The following SLIT2 variants were observed in gnomAD, a reference collection of about 807,000 sequenced individuals.
SLIT2 encodes slit guidance ligand 2, also known as slit homolog 2 protein.
Under a neutral mutation model 185.7 loss-of-function variants are expected in SLIT2, and 41 were observed. The ratio of observed to expected loss-of-function variants is 0.22; its 90% CI spans 0.17 to 0.29. The LOEUF is 0.29. Ranked by LOEUF, SLIT2 falls within the 10% of genes least tolerant of loss-of-function variation. SLIT2 has a pLI of 1.00. For missense variants in SLIT2, 1,571 were observed against 1,909.0 expected (o/e 0.82, Z 3.30); for synonymous variants, 693 against 680.2 (o/e 1.02, Z -0.29).
At chr4:20,393,887 T>G (rs976444356) in intron 4 of SLIT2, among the ~76,000 whole-genome samples, 1 of 152,066 alleles carries the variant, frequency 6.6e-6, no homozygotes, top group Non-Finnish European at 1.5e-5. Context: ...CTGGCTGTAT[T>G]GGTGATCACA....
At chr4:20,553,761 GTGTGTGTGTA>G in intron 25 of SLIT2, 34 bp from the exon 26 acceptor site, 2 of 1,476,688 alleles carry the variant, frequency 1.4e-6, no homozygotes, top group Non-Finnish European at 1.8e-6. Flanking sequence ...GTGTGTATGT[GTGTGTGTGTA>G]TGTGTGTGTG....
rs965352307 is a variant in SLIT2, at chr4:20,254,884, C to T, written c.179+890C>T. 2.2e-6 allele frequency: 1 copy of T among 455,760 alleles called. No homozygotes were observed. The highest frequency in any genetic ancestry group is 1.6e-5 in the South Asian group (1 of 64,490). The allele number at this position is 455,760 out of a possible 1,614,324, so 28.2% of individuals were successfully genotyped here. A position where few individuals can be genotyped will look rare whatever the true frequency, so the allele number is the denominator to read the frequency against. ...CAGTTCCCCTGCCTTCCCCTCTTCGCGCTCCGTTGCTCGCAGACGTCCCCG... is the reference window on the plus strand; with the variant it reads ...CAGTTCCCCTGCCTTCCCCTCTTCGTGCTCCGTTGCTCGCAGACGTCCCCG... On this transcript the variant is annotated intron_variant, in intron 1 of 36. Transcript: ENST00000504154. This position sits in a 1 kb window ranked among gnomAD's most constrained non-coding sequence, Gnocchi z 5.1.
intron 4 of SLIT2, among the ~76,000 whole-genome samples, chr4:20,372,068 T>C (rs146857971): frequency 6.6e-6 from 1 of 152,278 alleles, no homozygotes; most frequent in Non-Finnish European, 1.5e-5. Flanking sequence ...TTCTCTTGTC[T>C]TTCTTATTCT....
At chr4:20,474,328 G>C (rs1478621001) in intron 5 of SLIT2, among the ~76,000 whole-genome samples, 3 of 151,976 alleles carry the variant, frequency 2.0e-5, no homozygotes, top group Admixed American at 2.0e-4. Flanking sequence ...CCATGGTTCT[G>C]TATTTTGCTT....
In SLIT2 at chr4:20,542,451, A is replaced by G. The variant is rs764422851; in HGVS notation, c.2144-43A>G. On this transcript the variant is annotated intron_variant, in intron 20 of 36. Transcript: ENST00000504154. ...CATAAAATCCCTTCTAGCACCTTCAAGACCACAAATCTTGGTTTTCCTGTA... is the reference window on the plus strand; with the variant it reads ...CATAAAATCCCTTCTAGCACCTTCAGGACCACAAATCTTGGTTTTCCTGTA... 5.6e-6 allele frequency: 9 copies of G among 1,607,956 alleles called. No homozygotes were observed. The Admixed American group carries it at 1.3e-4, about 24-fold the overall frequency.
Position 20,542,305 on chromosome 4 carries a change from C to T in SLIT2, c.2144-189C>T, listed in dbSNP as rs190501287. Among the ~76,000 whole-genome samples, 759 of 152,186 alleles carry T rather than the reference C, an allele frequency of 5.0e-3. 9 individuals carry two copies. Among genetic ancestry groups the T allele is most frequent in the Non-Finnish European group, 7.9e-3 (536 of 68,028 alleles). On this transcript the variant is annotated intron_variant, in intron 20 of 36. Transcript: ENST00000504154. ...GCAAGCCATTTTCCAGAATTCTTCC[C>T]TAGGCAGTCTGAAAACAGTGCTATA...
intron 4 of SLIT2, among the ~76,000 whole-genome samples, chr4:20,460,166 A>G (rs1713543395): frequency 2.0e-5 from 3 of 151,872 alleles, no homozygotes; most frequent in African/African-American, 7.3e-5. Flanking sequence ...CCTGGCCATA[A>G]ATATTTTTTC....
At chr4:20,489,240 C>G (rs919242557) in intron 8 of SLIT2, among the ~76,000 whole-genome samples, 1 of 151,970 alleles carries the variant, frequency 6.6e-6, no homozygotes, top group East Asian at 1.9e-4. Context: ...TATGGAAAAT[C>G]GCTAAATGAT....
chr4:20,597,357 T>C (rs61790710), intron 32 of SLIT2, among the ~76,000 whole-genome samples: 5,277 of 152,180 alleles, frequency 0.035, 114 homozygotes, highest in Non-Finnish European at 0.045. Flanking sequence ...CGTGAGCCAC[T>C]GCGCTCAGCC....
At chr4:20,396,169 A>G (rs1224600834) in intron 4 of SLIT2, among the ~76,000 whole-genome samples, 2 of 151,940 alleles carry the variant, frequency 1.3e-5, no homozygotes, top group Admixed American at 6.6e-5. Flanking sequence ...TTAACACAGC[A>G]GAATTTAATA....
chr4:20,290,582 A>G (rs1358689826), intron 4 of SLIT2, among the ~76,000 whole-genome samples: 2 of 152,232 alleles, frequency 1.3e-5, no homozygotes, highest in African/African-American at 2.4e-5. Flanking sequence ...AGGGACGACT[A>G]TATGTGTGTA....
chr4:20,514,286 A>G (rs951560122), intron 11 of SLIT2, among the ~76,000 whole-genome samples: 2 of 152,194 alleles, frequency 1.3e-5, no homozygotes, highest in South Asian at 2.1e-4. Context: ...CAATTGCTAA[A>G]TAAATAAAAC....
intron 4 of SLIT2, among the ~76,000 whole-genome samples, chr4:20,326,499 A>G (rs758515384): frequency 2.6e-5 from 4 of 151,948 alleles, no homozygotes; most frequent in African/African-American, 9.7e-5. Flanking sequence ...CGTCTTGCTC[A>G]TTTCCAACTT....
At chr4:20,522,169 G>A (rs1004281488) in intron 12 of SLIT2, among the ~76,000 whole-genome samples, 2 of 152,110 alleles carry the variant, frequency 1.3e-5, no homozygotes, top group African/African-American at 4.8e-5. Context: ...AACTATGTAT[G>A]TATAAGTGAT....
intron 9 of SLIT2, among the ~76,000 whole-genome samples, chr4:20,495,534 G>A (rs899217274): frequency 6.6e-6 from 1 of 152,142 alleles, no homozygotes; most frequent in East Asian, 1.9e-4. Context: ...TATTTCTTAT[G>A]ATCGTGATTT....
At chr4:20,376,632 A>T (rs1056353835) in intron 4 of SLIT2, among the ~76,000 whole-genome samples, 1 of 152,088 alleles carries the variant, frequency 6.6e-6, no homozygotes, top group Admixed American at 6.6e-5. Context: ...TTATCTTTAC[A>T]TATGCATCTT....
chr4:20,462,619 T>G (rs1286104569), intron 4 of SLIT2, among the ~76,000 whole-genome samples: 1 of 152,216 alleles, frequency 6.6e-6, no homozygotes, highest in Admixed American at 6.5e-5. Context: ...ACTGACTCTC[T>G]GACACACTGA....
Position 20,568,850 on chromosome 4 carries a change from TC to T in SLIT2, c.2949-13del. On this transcript the variant is annotated splice_polypyrimidine_tract_variant and intron_variant, in intron 28 of 36. Transcript: ENST00000504154. ...ACAAAAAGATGTTTTTTGCCTTTTC[TC>T]CTCTGGCATTCAGGTGTATTTGTGC... The T allele has an allele frequency of 2.5e-6, 4 of 1,606,648 alleles. No individual in the cohort carries two copies. Among genetic ancestry groups the T allele is most frequent in the Non-Finnish European group, 3.4e-6 (4 of 1,175,636 alleles).
Position 20,567,579 on chromosome 4 carries a change from C to A in SLIT2, c.2912C>A (p.Thr971Asn). ...AGTAACCCATGTAAACATGGAGGAA[C>A]TTGCCACTTAAAGGAAGGAGAAGAA... ...CISNPCKHGGTCHLKEGEEDG... is the reference protein window; with the variant it reads ...CISNPCKHGGNCHLKEGEEDG... Residue 971 changes from threonine to asparagine, a missense_variant, in exon 28 of 37, where the codon ACT becomes AAT. Physicochemically the swap from Thr to Asn is moderately conservative, Grantham distance 65. Coordinates refer to ENST00000504154, the MANE Select transcript of SLIT2 (RefSeq NM_004787.4). 1 of 1,613,294 alleles carries A rather than the reference C, an allele frequency of 6.2e-7. No homozygotes were observed. The highest frequency in any genetic ancestry group is 8.5e-7 in the Non-Finnish European group (1 of 1,179,454).
Sources: gnomAD v4.1 joint callset for allele counts (sites outside exome capture counted in the v4.1 genomes callset) on GRCh38, gnomAD v4.1.1 for gene constraint, Gnocchi (gnomAD v3.1) non-coding constraint, MANE v1.5 for transcripts, NCBI Gene and HGNC (gene_info 2026-07-23, HGNC 2026-07-21) for gene names.